CPNE3: variants seen among roughly 807,000 people sequenced by gnomAD.
CPNE3 encodes the protein copine-3.
In CPNE3, 68 loss-of-function variants were observed where a neutral mutation model predicts 63.9. That is an observed-to-expected ratio of 1.06 (90% CI 0.87 to 1.30). The LOEUF (loss-of-function observed/expected upper bound fraction) is 1.30, where lower values mean the gene tolerates loss of function less well. Among genes scored for constraint, CPNE3 ranks in the 50% most tolerant of loss-of-function variants. The probability of loss-of-function intolerance (pLI) is 0.00; values close to 1 mark genes in which losing one functional copy is unlikely to be tolerated. For synonymous variants in CPNE3, 219 were observed against 197.5 expected (o/e 1.11, Z -0.91); for missense variants, 665 against 578.1 (o/e 1.15, Z -1.54).
At chr8:86,555,588 A>AGT (rs1821305363) in intron 15 of CPNE3, among the ~76,000 whole-genome samples, 1 of 152,226 alleles carries the variant, frequency 6.6e-6, no homozygotes, top group Non-Finnish European at 1.5e-5. Context: ...ACTTGATGTA[A>AGT]CATTTTACTG....
intron 10 of CPNE3, chr8:86,547,283 C>G (rs1481184527): frequency 1.9e-5 from 3 of 158,282 alleles, no homozygotes; most frequent in Non-Finnish European, 4.1e-5. Context: ...TGGAAATGAC[C>G]TTACCCAATG....
At chr8:86,553,137 T>A (rs1262354044) in intron 14 of CPNE3, among the ~76,000 whole-genome samples, 1 of 151,880 alleles carries the variant, frequency 6.6e-6, no homozygotes. Flanking sequence ...GTGCTGAGAT[T>A]ATAGGCATGA....
At chr8:86,522,548 CTTTTTTTTTTTTTTT>C (rs36073581) in intron 2 of CPNE3, among the ~76,000 whole-genome samples, 1 of 82,232 alleles carries the variant, frequency 1.2e-5, no homozygotes, top group Non-Finnish European at 2.1e-5. Context: ...ACGCCCGCTG[CTTTTTTTTTTTTTTT>C]TTTTTTTTTT....
Position 86,551,845 on chromosome 8 carries a change from G to C in CPNE3, c.1120+611G>C, listed in dbSNP as rs981041655. On this transcript the variant is annotated intron_variant, in intron 14 of 16. Coordinates refer to ENST00000517490, the MANE Select transcript of CPNE3 (RefSeq NM_003909.5). ...TCTTTTATTTATTTAAAAAAATAGA[G>C]ACAAGGTCTCGCTATGTTGGCCAGG... 3.9e-5 allele frequency among the ~76,000 whole-genome samples: 6 copies of C among 152,294 alleles called. No individual in the cohort carries two copies. In the East Asian group the frequency reaches 1.2e-3, roughly 29 times the overall value.
chr8:86,550,909 T>C, intron 12 of CPNE3, 137 bp from the exon 13 acceptor site: 3 of 793,190 alleles, frequency 3.8e-6, no homozygotes, highest in Non-Finnish European at 5.6e-6. Flanking sequence ...TTGATTCTCT[T>C]TGGCAGTTAA....
rs1012872545 is a variant in CPNE3, at chr8:86,528,573, G to A, written c.28G>A (p.Ala10Thr). MAAQCVTKV[A>T]LNVSCANLLD... ...GGCTGCCCAGTGTGTCACAAAGGTG[G>A]CGCTGAATGTTTCCTGTGCCAATCT... The change falls in exon 3 of 17, where the codon GCG becomes ACG. Residue 10 changes from alanine (A) to threonine (T), a missense_variant. Coordinates refer to ENST00000517490, the MANE Select transcript of CPNE3 (RefSeq NM_003909.5). The A allele has an allele frequency of 1.9e-6, 3 of 1,613,922 alleles. No individual in the cohort carries two copies. Among genetic ancestry groups the A allele is most frequent in the Non-Finnish European group, 2.5e-6 (3 of 1,179,994 alleles).
At chr8:86,558,168 A>G (rs1285783895) in intron 16 of CPNE3, 120 bp from the exon 17 acceptor site, 1 of 715,416 alleles carries the variant, frequency 1.4e-6, no homozygotes, top group South Asian at 1.7e-5. Context: ...AAGAAAAGGT[A>G]CAGGCCTATG....
chr8:86,529,040 A>G lies in CPNE3; in HGVS notation c.228A>G (p.Lys76=). 1 of 1,613,976 alleles carries G rather than the reference A, an allele frequency of 6.2e-7. No homozygotes were observed. Among genetic ancestry groups the G allele is most frequent in the Non-Finnish European group, 8.5e-7 (1 of 1,179,916 alleles). The part of the protein sequence containing the change: ...DYYFEVVQKL[K]FGVYDIDNKT... ...ACTTTGAAGTGGTTCAGAAATTGAAATTTGGGGTTTATGACATCGACAACA... is the reference window on the plus strand; with the variant it reads ...ACTTTGAAGTGGTTCAGAAATTGAAGTTTGGGGTTTATGACATCGACAACA... Residue 76 remains lysine (K), a synonymous_variant, in exon 4 of 17, where the codon AAA becomes AAG. Transcript: ENST00000517490.
At chr8:86,519,378 CT>C (rs1461465674) in intron 2 of CPNE3, among the ~76,000 whole-genome samples, 1 of 152,118 alleles carries the variant, frequency 6.6e-6, no homozygotes, top group African/African-American at 2.4e-5. Context: ...GTGATCACAC[CT>C]GTTAATTCCT....
intron 10 of CPNE3, chr8:86,547,362 G>A: frequency 5.4e-6 from 1 of 185,640 alleles, no homozygotes; most frequent in East Asian, 1.6e-4. Context: ...ATTTTTTAGG[G>A]TGAACAAGTG....
Position 86,547,727 on chromosome 8 carries a change from C to A in CPNE3, c.836C>A (p.Thr279Lys). The A allele has an allele frequency of 7.5e-7, 1 of 1,331,608 alleles. No homozygotes were observed. The highest frequency in any genetic ancestry group is 1.1e-6 in the Non-Finnish European group (1 of 927,080). 82.5% of individuals were successfully genotyped at this position (1,331,608 alleles called of 1,614,324 possible). The change falls in exon 11 of 17, where the codon ACA becomes AAA. Residue 279 changes from threonine to lysine, a missense_variant. By Grantham distance (78) the Thr-to-Lys change is moderately conservative. Coordinates refer to ENST00000517490, the MANE Select transcript of CPNE3 (RefSeq NM_003909.5). ...TATTTTTAGATTACAGTAGAATGCA[C>A]ATTCCTTGACTATATAATGGGAGGA... The part of the protein sequence containing the change: ...VKQCEITVEC[T>K]FLDYIMGGCQ...
intron 16 of CPNE3, among the ~76,000 whole-genome samples, chr8:86,556,624 C>T (rs548039821): frequency 6.6e-6 from 1 of 152,296 alleles, no homozygotes; most frequent in African/African-American, 2.4e-5. Context: ...AACTGTATGC[C>T]AAATCCCCCT....
At chr8:86,539,465 GT>G (rs879364847) in intron 7 of CPNE3, among the ~76,000 whole-genome samples, 4 of 152,002 alleles carry the variant, frequency 2.6e-5, no homozygotes, top group Non-Finnish European at 5.9e-5. Flanking sequence ...TAAGAAATAT[GT>G]ATATTTGTGT....
intron 9 of CPNE3, chr8:86,545,123 T>C (rs72690467): frequency 0.06 from 11,914 of 199,524 alleles, 462 homozygotes; most frequent in Non-Finnish European, 0.089. Flanking sequence ...AGAAGTCCAA[T>C]CCTTTTGCCT....
rs1266383710 is a variant in CPNE3 at position 86,522,947 on chromosome 8, GCTGA to G, written c.-10-5586_-10-5583del. 1.1e-4 allele frequency among the ~76,000 whole-genome samples: 16 copies of G among 152,108 alleles called. No homozygotes were observed. In the South Asian group the frequency reaches 2.3e-3, roughly 22 times the overall value. On this transcript the variant is annotated intron_variant, in intron 2 of 16. Coordinates refer to ENST00000517490, the MANE Select transcript of CPNE3 (RefSeq NM_003909.5). ...CCTGCGTACCTTATCTATACTCAAG[GCTGA>G]CTATTTCACCAAATTAATTTTATGT... is the stretch of plus-strand genomic sequence containing the variant.
At chr8:86,525,386 C>T (rs1390344662) in intron 2 of CPNE3, among the ~76,000 whole-genome samples, 3 of 152,220 alleles carry the variant, frequency 2.0e-5, no homozygotes, top group Non-Finnish European at 4.4e-5. Context: ...ACAGTATCTT[C>T]ATGAATATTA....
intron 2 of CPNE3, among the ~76,000 whole-genome samples, chr8:86,520,343 G>A (rs887455621): frequency 6.6e-6 from 1 of 152,086 alleles, no homozygotes; most frequent in Admixed American, 6.5e-5. Context: ...ATTACCTGAA[G>A]TCAGGAGTTC....
intron 8 of CPNE3, among the ~76,000 whole-genome samples, chr8:86,541,189 T>C (rs2131469693): frequency 6.6e-6 from 1 of 152,308 alleles, no homozygotes; most frequent in East Asian, 1.9e-4. Flanking sequence ...CAGTTCAAGT[T>C]TTGACTTAGT....
At chr8:86,519,942 C>T (rs903365047) in intron 2 of CPNE3, among the ~76,000 whole-genome samples, 1 of 152,048 alleles carries the variant, frequency 6.6e-6, no homozygotes, top group African/African-American at 2.4e-5. Flanking sequence ...GAACTACTGA[C>T]CTCAGACCAT....
Sources: gnomAD v4.1 joint callset for allele counts (sites outside exome capture counted in the v4.1 genomes callset) on GRCh38, gnomAD v4.1.1 for gene constraint, MANE v1.5 for transcripts, NCBI Gene and HGNC (gene_info 2026-07-23, HGNC 2026-07-21) for gene names.